RGL1: variants seen among roughly 807,000 people sequenced by gnomAD.
RGL1 encodes the protein ral guanine nucleotide dissociation stimulator-like 1.
A neutral mutation model predicts 95.2 loss-of-function variants in RGL1; 24 were observed. The observed-to-expected ratio is 0.25, with a 90% CI of 0.18 to 0.35. The LOEUF (loss-of-function observed/expected upper bound fraction) is 0.35, where lower values mean the gene tolerates loss of function less well. Among genes scored for constraint, RGL1 ranks in the 10% least tolerant of loss-of-function variants. RGL1 has a pLI of 1.00. For synonymous variants in RGL1, 329 were observed against 344.9 expected (o/e 0.95, Z 0.51); for missense variants, 715 against 936.3 (o/e 0.76, Z 3.08).
chr1:183,641,915 T>G (rs1649951387), intron 1 of RGL1, among the ~76,000 whole-genome samples: 1 of 152,240 alleles, frequency 6.6e-6, no homozygotes, highest in Non-Finnish European at 1.5e-5. Flanking sequence ...TCATCTACAT[T>G]GCCAATTTAT....
Position 183,884,749 on chromosome 1 carries a change from C to T in RGL1, c.762C>T (p.His254=). 9 of 1,614,066 alleles carry T rather than the reference C, an allele frequency of 5.6e-6. No individual in the cohort carries two copies. The highest frequency in any genetic ancestry group is 7.6e-6 in the Non-Finnish European group (9 of 1,179,950). The stretch of plus-strand genomic sequence containing the variant: ...AACTCTTCAAGAAAGTAGTGCCTCA[C>T]CACTGCCTGGGCTGCATTTGGTCTC... The part of the protein sequence containing the change: ...DAQLFKKVVP[H]HCLGCIWSRR... The change falls in exon 7 of 18, where the codon CAC becomes CAT. Residue 254 remains histidine (H), a synonymous_variant. Transcript: ENST00000360851.
chr1:183,734,874 C>T (rs1219135382), intron 1 of RGL1, among the ~76,000 whole-genome samples: 1 of 152,198 alleles, frequency 6.6e-6, no homozygotes, highest in Non-Finnish European at 1.5e-5. Flanking sequence ...TAAGTATCCT[C>T]TCCCTTCCCC....
At chr1:183,637,689 CTATAAG>C (rs1288936594) in intron 1 of RGL1, among the ~76,000 whole-genome samples, 2 of 152,122 alleles carry the variant, frequency 1.3e-5, no homozygotes, top group South Asian at 2.1e-4. Flanking sequence ...AACCACTCTT[CTATAAG>C]TATATCATTT....
upstream of RGL1, among the ~76,000 whole-genome samples, chr1:183,801,953 A>G (rs943456207): frequency 6.6e-6 from 1 of 152,220 alleles, no homozygotes; most frequent in Non-Finnish European, 1.5e-5. Context: ...GACACCTCCC[A>G]TTAGGCCCTA....
In RGL1 at chr1:183,926,310, C is replaced by G; in HGVS notation, c.*18C>G. ...CCCTCTGAAGGGAGGGACCAGTGGC[C>G]CCTTGTTTGCCAAAGGCAGAGTGGG... On this transcript the variant is annotated 3_prime_UTR_variant, in exon 18 of 18. Coordinates refer to ENST00000360851, the MANE Select transcript of RGL1 (RefSeq NM_001297671.3). 2 of 1,587,328 alleles carry G rather than the reference C, an allele frequency of 1.3e-6. No individual in the cohort carries two copies. Among genetic ancestry groups the G allele is most frequent in the Non-Finnish European group, 1.7e-6 (2 of 1,164,498 alleles).
chr1:183,895,074 G>C (rs758855700), intron 9 of RGL1, among the ~76,000 whole-genome samples: 11 of 152,142 alleles, frequency 7.2e-5, no homozygotes, highest in African/African-American at 2.4e-4. Context: ...TTATATAAAG[G>C]ACTGCTAGAA....
intron 2 of RGL1, among the ~76,000 whole-genome samples, chr1:183,767,228 CAAAAAAAA>C (rs11300092): frequency 2.0e-5 from 2 of 102,308 alleles, no homozygotes; most frequent in African/African-American, 7.4e-5. Flanking sequence ...GACCCTGTCT[CAAAAAAAA>C]AAAAAAAAAA....
At chr1:183,922,138 G>T in intron 16 of RGL1, 84 bp from the exon 17 acceptor site, 1 of 1,110,616 alleles carries the variant, frequency 9.0e-7, no homozygotes, top group Middle Eastern at 1.9e-4. Flanking sequence ...CACAACACAA[G>T]ACAGCAAGAA....
In RGL1 at chr1:183,912,098, G is replaced by C; in HGVS notation, c.1579G>C (p.Asp527His). Residue 527 changes from aspartate to histidine, a missense_variant, in exon 15 of 18, where the codon GAC becomes CAC. By Grantham distance (81) the Asp-to-His change is moderately conservative (BLOSUM62 -1). Coordinates refer to ENST00000360851, the MANE Select transcript of RGL1 (RefSeq NM_001297671.3). Reference protein sequence around the residue: ...KRLSLLFLGSDMITSPTPTKE... With the variant: ...KRLSLLFLGSHMITSPTPTKE... ...TTTTTCCAGACTGTTTCTAGGGTCT[G>C]ACATGATCACCAGTCCCACTCCCAC... 1 of 1,613,924 alleles carries C rather than the reference G, an allele frequency of 6.2e-7. No individual in the cohort carries two copies. The highest frequency in any genetic ancestry group is 8.5e-7 in the Non-Finnish European group (1 of 1,179,952).
intron 2 of RGL1, among the ~76,000 whole-genome samples, chr1:183,846,105 G>A (rs1402735463): frequency 6.6e-6 from 1 of 152,190 alleles, no homozygotes; most frequent in Non-Finnish European, 1.5e-5. Context: ...TGTGTTTATT[G>A]CAGCACTGTT....
chr1:183,865,693 C>T (rs567325310), intron 3 of RGL1, among the ~76,000 whole-genome samples: 11 of 151,898 alleles, frequency 7.2e-5, no homozygotes, highest in Non-Finnish European at 1.3e-4. Flanking sequence ...ATGTAATAGC[C>T]GATTCTCCTG....
At chr1:183,897,504 G>T (rs1667768754) in intron 9 of RGL1, among the ~76,000 whole-genome samples, 1 of 151,914 alleles carries the variant, frequency 6.6e-6, no homozygotes, top group African/African-American at 2.4e-5. Context: ...AGCTGAGATT[G>T]CGCCACTGCA....
intron 2 of RGL1, among the ~76,000 whole-genome samples, chr1:183,761,816 T>C (rs1046076855): frequency 6.6e-6 from 1 of 152,206 alleles, no homozygotes; most frequent in Non-Finnish European, 1.5e-5. Context: ...CTTAACTAGA[T>C]CTTCTGGATA....
At position 183,916,601 on chromosome 1, in the gene RGL1, C is replaced by G. The variant is rs1416862285; in HGVS notation, c.1904C>G (p.Ser635Trp). 6.8e-6 allele frequency: 11 copies of G among 1,613,804 alleles called. No homozygotes were observed. Among genetic ancestry groups the G allele is most frequent in the Non-Finnish European group, 9.3e-6 (11 of 1,179,988 alleles). The change falls in exon 16 of 18, where the codon TCG becomes TGG. Residue 635 changes from serine (S) to tryptophan (W), a missense_variant. By Grantham distance (177) the Ser-to-Trp change is radical. Coordinates refer to ENST00000360851, the MANE Select transcript of RGL1 (RefSeq NM_001297671.3). ...KRSVSVTSIT[S>W]TVLPPVYNQQ... ...TCTGTCTCGGTGACGTCCATTACCT[C>G]GACTGTGCTGCCTCCTGTTTACAAC...
At chr1:183,912,529 T>C (rs1212452725) in intron 15 of RGL1, among the ~76,000 whole-genome samples, 1 of 152,260 alleles carries the variant, frequency 6.6e-6, no homozygotes, top group Admixed American at 6.5e-5. Flanking sequence ...TGGAGTTATT[T>C]AGGGGAAGTA....
At chr1:183,740,476 C>T (rs372947549) in intron 1 of RGL1, among the ~76,000 whole-genome samples, 4 of 152,176 alleles carry the variant, frequency 2.6e-5, no homozygotes, top group South Asian at 2.1e-4. Flanking sequence ...TTCTTAAATC[C>T]GCTGACCCGT....
chr1:183,820,050 G>T (rs1662358712), intron 2 of RGL1, among the ~76,000 whole-genome samples: 1 of 152,042 alleles, frequency 6.6e-6, no homozygotes, highest in Non-Finnish European at 1.5e-5. Flanking sequence ...GGCCCCTAAA[G>T]TGCTGGGATT....
At chr1:183,912,294 T>C in intron 15 of RGL1, 26 bp downstream of exon 15, 1 of 1,592,132 alleles carries the variant, frequency 6.3e-7, no homozygotes, top group Non-Finnish European at 8.6e-7. Context: ...TTCTCATAAT[T>C]CCTAATGCAG....
At chr1:183,758,198 A>T (rs940226551) in intron 2 of RGL1, among the ~76,000 whole-genome samples, 4 of 144,036 alleles carry the variant, frequency 2.8e-5, no homozygotes, top group South Asian at 2.2e-4. Context: ...AAACGATAGA[A>T]TTTTTTTTTT....
Sources: allele counts gnomAD v4.1 joint callset (sites outside exome capture counted in the v4.1 genomes callset), GRCh38; gene constraint gnomAD v4.1.1; transcripts MANE v1.5; gene names NCBI Gene and HGNC (gene_info 2026-07-23, HGNC 2026-07-21).